WDR27: variants seen among roughly 807,000 people sequenced by gnomAD.
WDR27 encodes WD repeat domain 27.
WDR27 carries 100 observed loss-of-function variants against 114.4 expected under a neutral mutation model. The ratio of observed to expected loss-of-function variants is 0.87; its 90% CI spans 0.74 to 1.03. The LOEUF (loss-of-function observed/expected upper bound fraction) is 1.03, where lower values mean the gene tolerates loss of function less well. Among genes scored for constraint, WDR27 ranks in the 50% least tolerant of loss-of-function variants. The pLI, the probability that WDR27 is intolerant of heterozygous loss-of-function variation, is 0.00. For missense variants in WDR27, 1,129 were observed against 1,092.9 expected (o/e 1.03, Z -0.47); for synonymous variants, 449 against 423.1 (o/e 1.06, Z -0.75).
chr6:169,695,866 A>T (rs566638058), intron 1 of WDR27, among the ~76,000 whole-genome samples: 2 of 152,218 alleles, frequency 1.3e-5, no homozygotes, highest in Non-Finnish European at 2.9e-5. Context: ...ATGCACTGTG[A>T]GAAGGACTCA....
In WDR27 at chr6:169,694,440, T is replaced by G. The variant is rs528689779; in HGVS notation, c.-7-5428A>C. Among the ~76,000 whole-genome samples the G allele has an allele frequency of 4.6e-5, 7 of 152,342 alleles. 1 individual carries two copies. The highest frequency in any genetic ancestry group is 1.9e-4 in the East Asian group (1 of 5,186). ...AATCAAAAATTCTACTTTTATAAAT[T>G]TATAACAAGTAAATCATTCTACCTT... On this transcript the variant is annotated intron_variant, in intron 1 of 25. Coordinates refer to ENST00000448612, the MANE Select transcript of WDR27 (RefSeq NM_182552.5).
chr6:169,621,559 C>G (rs1321666576), intron 21 of WDR27, among the ~76,000 whole-genome samples: 1 of 151,286 alleles, frequency 6.6e-6, no homozygotes, highest in Non-Finnish European at 1.5e-5. Context: ...TACACACACG[C>G]ATTCATGCAT....
chr6:169,458,078 C>T lies in WDR27; in HGVS notation c.2646-444G>A, dbSNP rs180855657. On this transcript the variant is annotated intron_variant, in intron 25 of 25. Coordinates refer to ENST00000448612, the MANE Select transcript of WDR27 (RefSeq NM_182552.5). ...CTGGCAAACTCTGATGTACGTACTT[C>T]CAGTACTTTCAATTTATGGAGTCTG... Among the ~76,000 whole-genome samples the T allele has an allele frequency of 1.7e-3, 253 of 152,106 alleles. 1 individual carries two copies. The highest frequency in any genetic ancestry group is 1.8e-3 in the Non-Finnish European group (123 of 68,000).
At chr6:169,446,400 A>G in the WDR27 span, among the ~76,000 whole-genome samples, 10 of 151,702 alleles carry the variant, frequency 6.6e-5, no homozygotes, top group Non-Finnish European at 1.3e-4. Context: ...ACCAGGGTGC[A>G]GGGAAGGTGG....
intron 1 of WDR27, among the ~76,000 whole-genome samples, chr6:169,692,154 C>T (rs1784667572): frequency 6.6e-6 from 1 of 152,196 alleles, no homozygotes; most frequent in African/African-American, 2.4e-5. Flanking sequence ...CATATTTAGG[C>T]AGCCAAGCGA....
chr6:169,463,893 A>G (rs1287255973), intron 25 of WDR27, among the ~76,000 whole-genome samples: 6 of 152,236 alleles, frequency 3.9e-5, no homozygotes, highest in Admixed American at 6.5e-5. Context: ...GAAACGAAAG[A>G]CATTCATTAA....
Position 169,654,997 on chromosome 6 carries a change from C to T in WDR27, c.1403-2989G>A, listed in dbSNP as rs181124377. Among the ~76,000 whole-genome samples the T allele has an allele frequency of 1.0e-3, 156 of 152,338 alleles. 1 individual carries two copies. The highest frequency in any genetic ancestry group is 6.8e-3 in the Middle Eastern group (2 of 294). On this transcript the variant is annotated intron_variant, in intron 13 of 25. Transcript: ENST00000448612. ...CCCAACACAGCCTCGTTGTCTCTTACTCGGGTTTTCCCGGGAGAACAGAGG... is the reference window on the plus strand; with the variant it reads ...CCCAACACAGCCTCGTTGTCTCTTATTCGGGTTTTCCCGGGAGAACAGAGG...
chr6:169,563,955 A>AT (rs1800050752), intron 25 of WDR27, among the ~76,000 whole-genome samples: 2 of 152,234 alleles, frequency 1.3e-5, no homozygotes, highest in Non-Finnish European at 2.9e-5. Context: ...AGGATAGATG[A>AT]TGAGTATATG....
chr6:169,666,774 GA>G (rs1484417620), intron 6 of WDR27: 1 of 1,003,206 alleles, frequency 1.0e-6, no homozygotes, highest in African/African-American at 1.7e-5. Context: ...ACGCTGGATG[GA>G]CAGGGCAGTC....
intron 25 of WDR27, among the ~76,000 whole-genome samples, chr6:169,501,474 G>C (rs921348327): frequency 6.6e-6 from 1 of 152,182 alleles, no homozygotes; most frequent in Non-Finnish European, 1.5e-5. Context: ...GGTGTTGTAC[G>C]AAGATGAATA....
chr6:169,541,196 A>G (rs1232574852), intron 25 of WDR27, among the ~76,000 whole-genome samples: 1 of 152,216 alleles, frequency 6.6e-6, no homozygotes, highest in East Asian at 1.9e-4. Flanking sequence ...GGAAAACAGT[A>G]AAATGAATGA....
chr6:169,626,233 C>T (rs1814774340), intron 21 of WDR27, among the ~76,000 whole-genome samples: 1 of 152,174 alleles, frequency 6.6e-6, no homozygotes, highest in African/African-American at 2.4e-5. Flanking sequence ...AAGACGGCAG[C>T]GCTAGGCCTC....
At chr6:169,429,265 A>C in the WDR27 span, among the ~76,000 whole-genome samples, 5 of 152,048 alleles carry the variant, frequency 3.3e-5, no homozygotes, top group Non-Finnish European at 7.4e-5. Context: ...TCTAGGCTTT[A>C]CTTGCTGACA....
intron 20 of WDR27, among the ~76,000 whole-genome samples, chr6:169,634,042 T>C (rs1817073685): frequency 1.3e-5 from 2 of 152,192 alleles, no homozygotes; most frequent in Admixed American, 1.3e-4. Context: ...ATCTCAAAAA[T>C]TAAAGTTCTG....
chr6:169,452,838 A>T (rs1023913757), downstream of WDR27, among the ~76,000 whole-genome samples: 11 of 152,216 alleles, frequency 7.2e-5, no homozygotes, highest in African/African-American at 2.4e-4. Flanking sequence ...AATTTTCGTA[A>T]TTTTCCCTTT....
chr6:169,567,434 A>C (rs1218791046), intron 25 of WDR27, among the ~76,000 whole-genome samples: 1 of 152,114 alleles, frequency 6.6e-6, no homozygotes, highest in Non-Finnish European at 1.5e-5. Context: ...CTCAAGTTCT[A>C]AGTAGCTTGG....
chr6:169,452,221 C>T (rs901236648), downstream of WDR27, among the ~76,000 whole-genome samples: 3 of 152,248 alleles, frequency 2.0e-5, no homozygotes, highest in African/African-American at 7.2e-5. Flanking sequence ...CTGCAATGCT[C>T]GGAGTCACCC....
Position 169,684,716 on chromosome 6 carries a change from T to TA in WDR27, c.189+4100dup, listed in dbSNP as rs1322963196. On this transcript the variant is annotated intron_variant, in intron 2 of 25. Transcript: ENST00000448612. This position sits in a 1 kb window ranked among gnomAD's most constrained non-coding sequence, Gnocchi z 4.3. ...CAAATCCAGCAGCTGTGTGCCCACT[T>TA]ACAAAGCCTGAGAAACAGCTCTATG... is the stretch of plus-strand genomic sequence containing the variant. 1.3e-5 allele frequency among the ~76,000 whole-genome samples: 2 copies of TA among 152,164 alleles called. No homozygotes were observed. Among genetic ancestry groups the TA allele is most frequent in the African/African-American group, 4.8e-5 (2 of 41,434 alleles).
chr6:169,664,072 C>G, intron 8 of WDR27, 94 bp downstream of exon 8: 1 of 1,197,412 alleles, frequency 8.4e-7, no homozygotes, highest in Non-Finnish European at 1.1e-6. Context: ...ATTGGGATCT[C>G]TCTCTCCCCT....
Sources: allele counts gnomAD v4.1 joint callset (sites outside exome capture counted in the v4.1 genomes callset), GRCh38; gene constraint gnomAD v4.1.1; non-coding constraint Gnocchi (gnomAD v3.1); transcripts MANE v1.5; gene names NCBI Gene and HGNC (gene_info 2026-07-23, HGNC 2026-07-21).